DPYSL3: variants seen among roughly 807,000 people sequenced by gnomAD.
DPYSL3 encodes the protein dihydropyrimidinase-related protein 3.
In DPYSL3, 16 loss-of-function variants were observed where a neutral mutation model predicts 66.1. The observed-to-expected ratio is 0.24, with a 90% CI of 0.16 to 0.37. DPYSL3 has a LOEUF of 0.37. DPYSL3 is among the 10% of genes least tolerant of loss of function. The pLI is 1.00. For missense variants in DPYSL3, 738 were observed against 916.2 expected (o/e 0.81, Z 2.51); for synonymous variants, 338 against 345.1 (o/e 0.98, Z 0.23).
chr5:147,489,094 C>T (rs966180709), intron 1 of DPYSL3, among the ~76,000 whole-genome samples: 1 of 152,086 alleles, frequency 6.6e-6, no homozygotes, highest in Non-Finnish European at 1.5e-5. Flanking sequence ...TGGAGTCCCT[C>T]TCCACTTCTT....
At chr5:147,495,770 C>T (rs1484974270) in intron 1 of DPYSL3, among the ~76,000 whole-genome samples, 2 of 152,182 alleles carry the variant, frequency 1.3e-5, no homozygotes, top group African/African-American at 4.8e-5. Flanking sequence ...AATAGAAGAA[C>T]ATTCCATGTT....
chr5:147,455,910 T>TTGTGTGTG (rs72112283), intron 1 of DPYSL3, among the ~76,000 whole-genome samples: 1 of 148,454 alleles, frequency 6.7e-6, no homozygotes, highest in Non-Finnish European at 1.5e-5. Context: ...GATCACTTGA[T>TTGTGTGTG]TGTGTGTGTG....
intron 2 of DPYSL3, among the ~76,000 whole-genome samples, chr5:147,421,308 G>A (rs1752072026): frequency 6.6e-6 from 1 of 152,058 alleles, no homozygotes; most frequent in African/African-American, 2.4e-5. Context: ...AACTTACAAG[G>A]GATGTGAAGG....
intron 1 of DPYSL3, among the ~76,000 whole-genome samples, chr5:147,451,279 A>G (rs1013430747): frequency 1.4e-4 from 22 of 152,180 alleles, no homozygotes; most frequent in African/African-American, 5.1e-4. Flanking sequence ...AGAAATTCAC[A>G]ACCACTGTCT....
chr5:147,433,240 C>T (rs1752346670), intron 1 of DPYSL3, among the ~76,000 whole-genome samples: 1 of 152,112 alleles, frequency 6.6e-6, no homozygotes, highest in Non-Finnish European at 1.5e-5. Context: ...CGGGGACCAC[C>T]CACATCAGGC....
chr5:147,438,088 A>T (rs1279600173), intron 1 of DPYSL3, among the ~76,000 whole-genome samples: 1 of 152,210 alleles, frequency 6.6e-6, no homozygotes, highest in African/African-American at 2.4e-5. Flanking sequence ...AAAGAAAGGG[A>T]AGAGTTCGCT....
At chr5:147,413,719 T>C in intron 4 of DPYSL3, 62 bp from the exon 5 acceptor site, 6 of 1,378,060 alleles carry the variant, frequency 4.4e-6, no homozygotes, top group Non-Finnish European at 6.1e-6. Flanking sequence ...CTGTCCTCCA[T>C]CCTTTGCTCC....
Position 147,393,858 on chromosome 5 carries a change from C to T in DPYSL3, c.*177G>A. 1 of 660,396 alleles carries T rather than the reference C, an allele frequency of 1.5e-6. No individual in the cohort carries two copies. Among genetic ancestry groups the T allele is most frequent in the East Asian group, 2.8e-5 (1 of 35,990 alleles). The allele number at this position is 660,396 out of a possible 1,614,324, so 40.9% of individuals were successfully genotyped here. On this transcript the variant is annotated 3_prime_UTR_variant, in exon 14 of 14. Coordinates refer to ENST00000343218, the MANE Select transcript of DPYSL3 (RefSeq NM_001197294.2). ...GGCTATGCATAAACAGAAAACAAAG[C>T]AATATTCGTAAAGCTAGGCAAGCGA...
rs576581749 is a variant in DPYSL3 at position 147,444,625 on chromosome 5, A to G, written c.382-19662T>C. Among the ~76,000 whole-genome samples the G allele has an allele frequency of 1.2e-3, 186 of 152,310 alleles. 1 individual carries two copies. Among genetic ancestry groups the G allele is most frequent in the Non-Finnish European group, 2.2e-3 (149 of 68,034 alleles). On this transcript the variant is annotated intron_variant, in intron 1 of 13. Transcript: ENST00000343218. ...CCTTTAAAAGGCTCTAGTGATTACC[A>G]TTACACATAAACCTATTGAAACCAT... is the stretch of plus-strand genomic sequence containing the variant.
intron 1 of DPYSL3, among the ~76,000 whole-genome samples, chr5:147,501,568 T>C (rs1294701116): frequency 7.1e-6 from 1 of 140,280 alleles, no homozygotes; most frequent in East Asian, 2.2e-4. Flanking sequence ...CACTGCAACC[T>C]CTGCCTCCCA....
chr5:147,466,322 G>A (rs1290643544), intron 1 of DPYSL3, among the ~76,000 whole-genome samples: 1 of 152,192 alleles, frequency 6.6e-6, no homozygotes, highest in Admixed American at 6.5e-5. Flanking sequence ...TTGGAGAATA[G>A]GGAGTCTGTG....
chr5:147,426,988 G>C (rs1435612338), intron 1 of DPYSL3, among the ~76,000 whole-genome samples: 1 of 152,122 alleles, frequency 6.6e-6, no homozygotes, highest in African/African-American at 2.4e-5. Context: ...CTCATGATCT[G>C]GTCTGTTAAT....
intron 1 of DPYSL3, among the ~76,000 whole-genome samples, chr5:147,481,181 A>C (rs1410023978): frequency 6.6e-6 from 1 of 152,186 alleles, no homozygotes; most frequent in Non-Finnish European, 1.5e-5. Flanking sequence ...GTTCTGCCAC[A>C]TAATAGCTGT....
At chr5:147,449,046 G>GT (rs1458829825) in intron 1 of DPYSL3, among the ~76,000 whole-genome samples, 1 of 152,026 alleles carries the variant, frequency 6.6e-6, no homozygotes, top group Admixed American at 6.6e-5. Flanking sequence ...TCTTCTTTTG[G>GT]TTTCCTCAAC....
At chr5:147,429,473 A>AGT (rs1276922045) in intron 1 of DPYSL3, among the ~76,000 whole-genome samples, 3 of 152,184 alleles carry the variant, frequency 2.0e-5, no homozygotes, top group East Asian at 1.9e-4. Flanking sequence ...GGTGGCTGCC[A>AGT]GTGTGCGTGT....
At chr5:147,464,557 AAAAG>A (rs1163043638) in intron 1 of DPYSL3, among the ~76,000 whole-genome samples, 1 of 152,188 alleles carries the variant, frequency 6.6e-6, no homozygotes, top group Non-Finnish European at 1.5e-5. Flanking sequence ...GTTACACGAT[AAAAG>A]AAAGGAAGAG....
intron 8 of DPYSL3, among the ~76,000 whole-genome samples, chr5:147,404,311 G>C (rs925528648): frequency 2.6e-5 from 4 of 152,226 alleles, no homozygotes; most frequent in African/African-American, 9.6e-5. Context: ...CAGCTAGGAA[G>C]AGTGTCTAGA....
At chr5:147,425,706 C>T (rs879294963) in intron 1 of DPYSL3, among the ~76,000 whole-genome samples, 7 of 152,094 alleles carry the variant, frequency 4.6e-5, no homozygotes, top group Non-Finnish European at 8.8e-5. Context: ...ATTTGAGTTA[C>T]CCGACAGGAA....
intron 1 of DPYSL3, among the ~76,000 whole-genome samples, chr5:147,494,547 C>T (rs1176018378): frequency 6.6e-6 from 1 of 151,596 alleles, no homozygotes; most frequent in Non-Finnish European, 1.5e-5. Context: ...AGGGACATCA[C>T]TATAGAGCTT....
Sources: allele counts gnomAD v4.1 joint callset (sites outside exome capture counted in the v4.1 genomes callset), GRCh38; gene constraint gnomAD v4.1.1; transcripts MANE v1.5; gene names NCBI Gene and HGNC (gene_info 2026-07-23, HGNC 2026-07-21).